SHISAL1: variants seen among roughly 807,000 people sequenced by gnomAD.
SHISAL1 encodes shisa like 1, also known as protein shisa-like-1.
SHISAL1 carries 9 observed loss-of-function variants against 22.6 expected under a neutral mutation model. The observed-to-expected ratio is 0.40, with a 90% CI of 0.24 to 0.70. The LOEUF is 0.70. Ranked by LOEUF, SHISAL1 falls within the 30% of genes least tolerant of loss-of-function variation. The probability of loss-of-function intolerance (pLI) is 0.39; values close to 1 mark genes in which losing one functional copy is unlikely to be tolerated. For missense variants in SHISAL1, 246 were observed against 270.6 expected (o/e 0.91, Z 0.64); for synonymous variants, 119 against 115.4 (o/e 1.03, Z -0.20).
intron 4 of SHISAL1, among the ~76,000 whole-genome samples, chr22:44,277,201 G>T (rs113527361): frequency 6.6e-6 from 1 of 152,196 alleles, no homozygotes; most frequent in Admixed American, 6.5e-5. Flanking sequence ...GAAGGCTCAC[G>T]GACGCGATGC....
chr22:44,280,178 A>G (rs906182399), intron 4 of SHISAL1, among the ~76,000 whole-genome samples: 2 of 152,250 alleles, frequency 1.3e-5, no homozygotes, highest in Non-Finnish European at 1.5e-5. Flanking sequence ...AAGAGAACTG[A>G]GTCAAAAGCA....
chr22:44,285,415 T>C lies in SHISAL1; in HGVS notation c.599+13A>G. On this transcript the variant is annotated intron_variant, in intron 4 of 4. Transcript: ENST00000381176. ...GACCCAAATCATTCTGGGTCTCAAT[T>C]GTAGCCACTCACCAGGCAGACGAAC... The C allele has an allele frequency of 6.2e-7, 1 of 1,613,602 alleles. No homozygotes were observed. Among genetic ancestry groups the C allele is most frequent in the Non-Finnish European group, 8.5e-7 (1 of 1,179,606 alleles).
At chr22:44,269,528 T>C (rs376453188) in intron 4 of SHISAL1, among the ~76,000 whole-genome samples, 1 of 143,312 alleles carries the variant, frequency 7.0e-6, no homozygotes. Context: ...CCACACAATA[T>C]ACACACACAC....
chr22:44,257,639 G>A (rs1170066976), intron 4 of SHISAL1, among the ~76,000 whole-genome samples: 1 of 152,186 alleles, frequency 6.6e-6, no homozygotes, highest in Non-Finnish European at 1.5e-5. Context: ...ACAGTGAGAT[G>A]TCACTTTAAA....
intron 1 of SHISAL1, among the ~76,000 whole-genome samples, chr22:44,302,084 T>C (rs545495091): frequency 1.1e-3 from 160 of 152,310 alleles, no homozygotes; most frequent in African/African-American, 3.8e-3. Flanking sequence ...CCAGGCGTTG[T>C]AATCCCAGCA....
chr22:44,300,832 A>ACACC, intron 2 of SHISAL1, 47 bp downstream of exon 2: 1 of 1,524,372 alleles, frequency 6.6e-7, no homozygotes, highest in Non-Finnish European at 9.1e-7. Flanking sequence ...GGAAGAGCCC[A>ACACC]CACCCCCACG....
the SHISAL1 span, among the ~76,000 whole-genome samples, chr22:44,329,550 C>T: frequency 2.6e-5 from 4 of 152,134 alleles, no homozygotes; most frequent in Admixed American, 6.5e-5. Context: ...AGGAACGCAG[C>T]GTGAAGATGA....
the SHISAL1 span, among the ~76,000 whole-genome samples, chr22:44,330,403 A>G: frequency 6.6e-6 from 1 of 152,164 alleles, no homozygotes; most frequent in Admixed American, 6.5e-5. Flanking sequence ...CCTTTAAGTG[A>G]CAGGTGCAAT....
the SHISAL1 span, among the ~76,000 whole-genome samples, chr22:44,318,566 C>T: frequency 6.6e-6 from 1 of 152,192 alleles, no homozygotes; most frequent in African/African-American, 2.4e-5. Flanking sequence ...GTGACTTAGC[C>T]TCTCTGGACC....
At chr22:44,280,557 C>G (rs547497596) in intron 4 of SHISAL1, among the ~76,000 whole-genome samples, 140 of 152,288 alleles carry the variant, frequency 9.2e-4, no homozygotes, top group African/African-American at 3.3e-3. Flanking sequence ...GGGTGTTGAA[C>G]AGCAGCCTGA....
Position 44,295,772 on chromosome 22 carries a change from G to A in SHISAL1, c.281+900C>T, listed in dbSNP as rs115999995. On this transcript the variant is annotated intron_variant, in intron 3 of 4. Transcript: ENST00000381176. The stretch of plus-strand genomic sequence containing the variant: ...AGCTCACGGTAAAAGAAATACAAAT[G>A]TCTCTCAGGCATGTGAAAAGACGGC... Among the ~76,000 whole-genome samples, 1,471 of 152,272 alleles carry A rather than the reference G, an allele frequency of 9.7e-3. 27 individuals carry two copies. The highest frequency in any genetic ancestry group is 0.033 in the African/African-American group (1,381 of 41,554).
At chr22:44,297,087 G>T (rs954568916) in intron 2 of SHISAL1, among the ~76,000 whole-genome samples, 1 of 152,198 alleles carries the variant, frequency 6.6e-6, no homozygotes, top group African/African-American at 2.4e-5. Flanking sequence ...GTGTCACCCA[G>T]ACTGGCTGGT....
At chr22:44,278,501 T>C (rs2055254986) in intron 4 of SHISAL1, among the ~76,000 whole-genome samples, 1 of 152,196 alleles carries the variant, frequency 6.6e-6, no homozygotes, top group Non-Finnish European at 1.5e-5. Context: ...CGACTGTCCC[T>C]TGGGGGAGTG....
Position 44,244,436 on chromosome 22 carries a change from C to G in SHISAL1, c.*5249G>C, listed in dbSNP as rs78316431. The stretch of plus-strand genomic sequence containing the variant: ...CTGGAGGTGAACCCTGCAGCAGCCC[C>G]GGATTTCAGTCTGTCAAGGGCAAAT... On this transcript the variant is annotated 3_prime_UTR_variant, in exon 5 of 5. Transcript: ENST00000381176. 1 of 152,078 alleles carries G rather than the reference C, an allele frequency of 6.6e-6. No individual in the cohort carries two copies. The highest frequency in any genetic ancestry group is 2.1e-4 in the South Asian group (1 of 4,822). 9.4% of individuals were successfully genotyped at this position (152,078 alleles called of 1,614,324 possible).
chr22:44,304,074 G>C (rs1410910672), intron 1 of SHISAL1, among the ~76,000 whole-genome samples: 1 of 152,246 alleles, frequency 6.6e-6, no homozygotes, highest in Non-Finnish European at 1.5e-5. Context: ...TGCATGCCCA[G>C]ACTGTCCTGG....
At chr22:44,314,756 T>C (rs532812451), upstream of SHISAL1, among the ~76,000 whole-genome samples, 1 of 152,126 alleles carries the variant, frequency 6.6e-6, no homozygotes, top group African/African-American at 2.4e-5. Flanking sequence ...AGCGGCGCTA[T>C]GGAAAAACCT....
chr22:44,285,588 G>T lies in SHISAL1; in HGVS notation c.439C>A (p.Arg147=). ...IQGRWMKQDP[R]RWGNPARAPR... is the part of the protein sequence containing the mutation. ...GCCCGAGCGGGGTTCCCCCACCGCC[G>T]GGGGTCCTGTTTCATCCATCGTCCT... The change falls in exon 4 of 5, where the codon CGG becomes AGG. Residue 147 remains arginine (R), a synonymous_variant. Coordinates refer to ENST00000381176, the MANE Select transcript of SHISAL1 (RefSeq NM_001099294.2). The T allele has an allele frequency of 3.1e-6, 5 of 1,613,926 alleles. No individual in the cohort carries two copies. Among genetic ancestry groups the T allele is most frequent in the Admixed American group, 1.7e-5 (1 of 60,038 alleles).
At chr22:44,329,764 C>A in the SHISAL1 span, among the ~76,000 whole-genome samples, 1 of 152,162 alleles carries the variant, frequency 6.6e-6, no homozygotes, top group Non-Finnish European at 1.5e-5. Flanking sequence ...GGGAGCGACC[C>A]CCCAATTCTA....
At chr22:44,330,436 C>T in the SHISAL1 span, among the ~76,000 whole-genome samples, 5 of 152,146 alleles carry the variant, frequency 3.3e-5, no homozygotes, top group African/African-American at 1.2e-4. Flanking sequence ...GCTCAGGAGG[C>T]CCAGAGAGGT....
Sources: gnomAD v4.1 joint callset for allele counts (sites outside exome capture counted in the v4.1 genomes callset) on GRCh38, gnomAD v4.1.1 for gene constraint, MANE v1.5 for transcripts, NCBI Gene and HGNC (gene_info 2026-07-23, HGNC 2026-07-21) for gene names.